Variants in CLEC16A observed in about 807,000 individuals in gnomAD.
The protein encoded by CLEC16A is C-type lectin domain containing 16A, also known as protein CLEC16A.
A neutral mutation model predicts 109.5 loss-of-function variants in CLEC16A; 51 were observed. That is an observed-to-expected ratio of 0.47 (90% confidence interval 0.37 to 0.59). The LOEUF is 0.59. Ranked by LOEUF, CLEC16A falls within the 20% of genes least tolerant of loss-of-function variation. The probability of loss-of-function intolerance (pLI) is 0.00; values close to 1 mark genes in which losing one functional copy is unlikely to be tolerated. For missense variants in CLEC16A, 1,339 were observed against 1,394.0 expected, an observed-to-expected ratio of 0.96 and a Z score of 0.63; for synonymous variants, 673 against 564.2, an observed-to-expected ratio of 1.19 and a Z score of -2.73.
At chr16:11,164,419 C>T (rs1309347648) in intron 22 of CLEC16A, among the ~76,000 whole-genome samples, 4 of 152,176 alleles carry the variant, frequency 2.6e-5, no homozygotes, top group African/African-American at 4.8e-5. Context: ...CTTGATGGCC[C>T]GGAGAAGAGT....
intron 3 of CLEC16A, among the ~76,000 whole-genome samples, chr16:10,966,569 G>T (rs1051447563): frequency 6.6e-6 from 1 of 152,174 alleles, no homozygotes; most frequent in East Asian, 1.9e-4. Context: ...CCCGAGGCTG[G>T]GTACTTTATA....
In CLEC16A at chr16:10,978,400, G is replaced by C. The variant is rs1266435629; in HGVS notation, c.904-929G>C. ...CATGCAGAGGTGCTCCAAGGGGATG[G>C]AGTTTTCAAGATTCTCACTACAGAT... On this transcript the variant is annotated intron_variant, in intron 8 of 23. Coordinates refer to ENST00000409790, the MANE Select transcript of CLEC16A (RefSeq NM_015226.3). 2.0e-5 allele frequency among the ~76,000 whole-genome samples: 3 copies of C among 152,218 alleles called. No homozygotes were observed. In the East Asian group the frequency reaches 5.8e-4, roughly 29 times the overall value.
chr16:11,111,300 A>G lies in CLEC16A; in HGVS notation c.2117-9315A>G, dbSNP rs150121333. On this transcript the variant is annotated intron_variant, in intron 19 of 23. Coordinates refer to ENST00000409790, the MANE Select transcript of CLEC16A (RefSeq NM_015226.3). ...TGGGAATAACTCTGCTCCACATGGC[A>G]TCAGCTGGCGTGTATAGACTGGGAG... is the stretch of plus-strand genomic sequence containing the variant. Among the ~76,000 whole-genome samples the G allele has an allele frequency of 1.3e-4, 20 of 152,314 alleles. No individual in the cohort carries two copies. In the East Asian group the frequency reaches 3.9e-3, roughly 29 times the overall value.
At chr16:11,122,222 G>A (rs1178174562) in intron 20 of CLEC16A, among the ~76,000 whole-genome samples, 7 of 152,312 alleles carry the variant, frequency 4.6e-5, no homozygotes, top group South Asian at 2.1e-4. Flanking sequence ...CTCTTCCCCA[G>A]CCTCCTCTTC....
chr16:11,064,120 C>T (rs1469830276), intron 19 of CLEC16A, among the ~76,000 whole-genome samples: 2 of 152,184 alleles, frequency 1.3e-5, no homozygotes, highest in African/African-American at 4.8e-5. Context: ...TTTATTTTAT[C>T]TGCCCTTTCA....
intron 10 of CLEC16A, among the ~76,000 whole-genome samples, chr16:11,000,133 C>T (rs759571008): frequency 2.0e-5 from 3 of 152,192 alleles, no homozygotes; most frequent in African/African-American, 7.2e-5. Context: ...CCACCACGCC[C>T]GGCCTCTGAA....
At chr16:11,132,752 T>A (rs572615390) in intron 22 of CLEC16A, among the ~76,000 whole-genome samples, 1 of 152,174 alleles carries the variant, frequency 6.6e-6, no homozygotes, top group Non-Finnish European at 1.5e-5. Flanking sequence ...GGGTACAGGG[T>A]TGTGGGGAAC....
chr16:11,024,534 G>A, intron 12 of CLEC16A: 1 of 330,560 alleles, frequency 3.0e-6, no homozygotes, highest in Non-Finnish European at 5.8e-6. Context: ...TTGGTGTGGG[G>A]AGTTTGTATA....
chr16:10,953,048 A>G (rs181633799), intron 1 of CLEC16A, among the ~76,000 whole-genome samples: 1 of 152,352 alleles, frequency 6.6e-6, no homozygotes, highest in Admixed American at 6.5e-5. Context: ...TTGAATGTAT[A>G]TGGAGATTAA....
intron 7 of CLEC16A, among the ~76,000 whole-genome samples, chr16:10,973,897 T>TTTTTTG (rs2042916338): frequency 9.1e-6 from 1 of 109,618 alleles, no homozygotes; most frequent in African/African-American, 3.7e-5. Context: ...CTTTTTTTTT[T>TTTTTTG]TTTTTTTTTT....
At chr16:11,139,215 G>A (rs1323004514) in intron 22 of CLEC16A, among the ~76,000 whole-genome samples, 1 of 152,134 alleles carries the variant, frequency 6.6e-6, no homozygotes, top group African/African-American at 2.4e-5. Context: ...TCTCCGGGGT[G>A]GCCCACTCAT....
chr16:10,995,583 G>A (rs1427036941), intron 10 of CLEC16A, among the ~76,000 whole-genome samples: 5 of 152,342 alleles, frequency 3.3e-5, no homozygotes. Flanking sequence ...CTATTTGCCA[G>A]GGGGTTGAAG....
At chr16:11,097,166 G>C (rs1029713632) in intron 19 of CLEC16A, among the ~76,000 whole-genome samples, 1 of 152,158 alleles carries the variant, frequency 6.6e-6, no homozygotes, top group East Asian at 1.9e-4. Flanking sequence ...TTCTAGAACA[G>C]GTTAAAGGAC....
At chr16:11,027,985 G>A (rs1357634501) in intron 13 of CLEC16A, among the ~76,000 whole-genome samples, 1 of 152,210 alleles carries the variant, frequency 6.6e-6, no homozygotes, top group Non-Finnish European at 1.5e-5. Flanking sequence ...CAGATCACTT[G>A]AGGTTGGGAG....
chr16:10,971,784 A>T (rs2042802517), intron 5 of CLEC16A, among the ~76,000 whole-genome samples: 2 of 152,232 alleles, frequency 1.3e-5, no homozygotes, highest in Admixed American at 1.3e-4. Context: ...GCACTGACAC[A>T]AAGGCTGCCT....
At position 11,138,242 on chromosome 16, in the gene CLEC16A, G is replaced by A. The variant is rs2053661210; in HGVS notation, c.2641+12096G>A. 2.0e-5 allele frequency among the ~76,000 whole-genome samples: 3 copies of A among 152,328 alleles called. No individual in the cohort carries two copies. The East Asian group carries it at 5.8e-4, about 29-fold the overall frequency. ...GGCTTACAGAGAAGCCTGGGGTCAG[G>A]GGGAGGGACTGTGAGCAAGTCTTGC... On this transcript the variant is annotated intron_variant, in intron 22 of 23. Coordinates refer to ENST00000409790, the MANE Select transcript of CLEC16A (RefSeq NM_015226.3).
At chr16:10,983,185 G>A (rs1243144007) in intron 10 of CLEC16A, among the ~76,000 whole-genome samples, 194 bp downstream of exon 10, 1 of 152,198 alleles carries the variant, frequency 6.6e-6, no homozygotes, top group Non-Finnish European at 1.5e-5. Flanking sequence ...GGGACCACCT[G>A]GATTTGATTG....
Position 11,168,294 on chromosome 16 carries a change from G to A in CLEC16A, c.2806+1742G>A, listed in dbSNP as rs537435303. On this transcript the variant is annotated intron_variant, in intron 23 of 23. Coordinates refer to ENST00000409790, the MANE Select transcript of CLEC16A (RefSeq NM_015226.3). ...TCCCTACCCCCACCATCCCCTGCAT[G>A]GTACCAGCGTAATGTCTTCTCATCT... Among the ~76,000 whole-genome samples, 32 of 152,232 alleles carry A rather than the reference G, an allele frequency of 2.1e-4. No homozygotes were observed. In the Middle Eastern group the frequency reaches 0.01, roughly 49 times the overall value.
chr16:11,029,560 G>A (rs2046619184), intron 13 of CLEC16A, among the ~76,000 whole-genome samples: 2 of 151,952 alleles, frequency 1.3e-5, no homozygotes, highest in Non-Finnish European at 2.9e-5. Flanking sequence ...GCAATCACTG[G>A]GCCACTGCCT....
Sources: allele counts gnomAD v4.1 joint callset (sites outside exome capture counted in the v4.1 genomes callset), GRCh38; gene constraint gnomAD v4.1.1; transcripts MANE v1.5; gene names NCBI Gene and HGNC (gene_info 2026-07-23, HGNC 2026-07-21).